Variants in CD5 observed in about 807,000 individuals in gnomAD.
CD5 encodes CD5 molecule.
Under a neutral mutation model 60.3 loss-of-function variants are expected in CD5, and 36 were observed. That is an observed-to-expected ratio of 0.60 (90% confidence interval 0.46 to 0.79). The LOEUF is 0.79. CD5 is among the 30% of genes least tolerant of loss of function. The probability of loss-of-function intolerance (pLI) is 0.00; values close to 1 mark genes in which losing one functional copy is unlikely to be tolerated. For missense variants in CD5, 540 were observed against 630.6 expected (o/e 0.86, Z 1.54); for synonymous variants, 230 against 257.6 (o/e 0.89, Z 1.03).
chr11:61,111,553 G>C (rs1459537509), intron 1 of CD5, among the ~76,000 whole-genome samples: 2 of 152,202 alleles, frequency 1.3e-5, no homozygotes, highest in Admixed American at 1.3e-4. Context: ...CAGTGGGGTT[G>C]CCTCTCAATA....
rs536466578 is a variant in CD5, at chr11:61,118,999, C to G, written c.463+22C>G. 6 of 1,582,062 alleles carry G rather than the reference C, an allele frequency of 3.8e-6. No individual in the cohort carries two copies. The South Asian group carries it at 5.6e-5, about 15-fold the overall frequency. ...ACAGGTAAGAGGATTCTGAACCCCC[C>G]ACAGGGAGTCAGAGCTAGCAAATAA... On this transcript the variant is annotated intron_variant, in intron 4 of 10. Transcript: ENST00000347785. This position sits in a 1 kb window ranked among gnomAD's most constrained non-coding sequence, Gnocchi z 4.7.
intron 6 of CD5, 83 bp from the exon 7 acceptor site, chr11:61,122,824 G>C: frequency 2.1e-6 from 3 of 1,448,444 alleles, no homozygotes; most frequent in Non-Finnish European, 2.8e-6. Flanking sequence ...GATGACGGCG[G>C]AAGCCAGGCA....
chr11:61,102,228 C>T (rs997907161), upstream of CD5, among the ~76,000 whole-genome samples: 5 of 152,174 alleles, frequency 3.3e-5, no homozygotes, highest in Admixed American at 2.0e-4. Flanking sequence ...CGCTCAGGGT[C>T]CCCACCCCCT....
Position 61,118,534 on chromosome 11 carries a change from G to A in CD5, c.400+54G>A. 6.5e-6 allele frequency: 10 copies of A among 1,549,190 alleles called. No homozygotes were observed. Among genetic ancestry groups the A allele is most frequent in the South Asian group, 1.2e-5 (1 of 85,476 alleles). Reference sequence around the variant, plus strand: ...CCTGGGCCTGGGCGCCAGCCCCGAGGAGACTGCCCGAGGCCTGTGATCTAG... The same window carrying A: ...CCTGGGCCTGGGCGCCAGCCCCGAGAAGACTGCCCGAGGCCTGTGATCTAG... On this transcript the variant is annotated intron_variant, in intron 3 of 10. Transcript: ENST00000347785. The surrounding 1 kb of genome is among the most constrained non-coding windows in gnomAD (Gnocchi z 4.7).
At chr11:61,121,512 G>A (rs1380299276) in intron 5 of CD5, 99 bp from the exon 6 acceptor site, 1 of 1,066,260 alleles carries the variant, frequency 9.4e-7, no homozygotes, top group East Asian at 2.8e-5. Flanking sequence ...CCTTCCCCTA[G>A]CCAGGGCCCC....
chr11:61,125,769 A>T lies in CD5; in HGVS notation c.1418A>T (p.His473Leu). Residue 473 changes from histidine to leucine, a missense_variant, in exon 10 of 11, where the codon CAT becomes CTT. His to Leu is a moderately conservative substitution (Grantham distance 99, BLOSUM62 -3). Transcript: ENST00000347785. ...SAYPALEGAL[H>L]RSSMQPDNSS... ...TCCCCAGCTCTGGAAGGGGCTCTGC[A>T]TCGCTCCTCCATGCAGCCTGACAAC... is the stretch of plus-strand genomic sequence containing the variant. The T allele has an allele frequency of 6.2e-7, 1 of 1,612,326 alleles. No homozygotes were observed.
intron 2 of CD5, among the ~76,000 whole-genome samples, chr11:61,116,519 C>A (rs1350009569): frequency 8.7e-6 from 1 of 115,342 alleles, no homozygotes; most frequent in Non-Finnish European, 1.8e-5. Flanking sequence ...ACACACACAC[C>A]ACCACACACA....
At chr11:61,104,929 G>A (rs984502227) in intron 1 of CD5, among the ~76,000 whole-genome samples, 6 of 152,222 alleles carry the variant, frequency 3.9e-5, no homozygotes, top group South Asian at 2.1e-4. Flanking sequence ...AGGCACTTCC[G>A]TGTGCAGGAA....
intron 1 of CD5, among the ~76,000 whole-genome samples, chr11:61,112,319 G>A (rs1338161964): frequency 1.3e-5 from 2 of 152,148 alleles, no homozygotes. Context: ...CTCCCTGATG[G>A]CCTCCTGAGG....
Position 61,127,191 on chromosome 11 carries a change from C to G in CD5, c.*906C>G, listed in dbSNP as rs1286443310. The G allele has an allele frequency of 6.6e-6, 1 of 152,268 alleles. No individual in the cohort carries two copies. The highest frequency in any genetic ancestry group is 1.5e-5 in the Non-Finnish European group (1 of 68,064). 9.4% of individuals were successfully genotyped at this position (152,268 alleles called of 1,614,324 possible). A position where few individuals can be genotyped will look rare whatever the true frequency, so the allele number is the denominator to read the frequency against. On this transcript the variant is annotated 3_prime_UTR_variant, in exon 11 of 11. Coordinates refer to ENST00000347785, the MANE Select transcript of CD5 (RefSeq NM_014207.4). The stretch of plus-strand genomic sequence containing the variant: ...GTTTGAATAACTCCCTTGACGAAAA[C>G]AGACTCCTCTAGTACTTGGAGATCT...
intron 1 of CD5, among the ~76,000 whole-genome samples, chr11:61,114,455 C>T (rs1031899739): frequency 1.2e-5 from 1 of 83,598 alleles, no homozygotes; most frequent in African/African-American, 8.1e-5. Context: ...CACATACATG[C>T]ATACATACAT....
At chr11:61,117,394 T>C (rs1860981394) in intron 2 of CD5, among the ~76,000 whole-genome samples, 1 of 152,210 alleles carries the variant, frequency 6.6e-6, no homozygotes, top group Admixed American at 6.5e-5. Flanking sequence ...CATATCTAGA[T>C]TATGGTGGTG....
Position 61,118,136 on chromosome 11 carries a change from C to T in CD5, c.95-39C>T, listed in dbSNP as rs1565185580. ...AGTGAGGGGTGCCAGTGGGGAACCC[C>T]TCCCAGCCTGACCCCCACCACACCT... On this transcript the variant is annotated intron_variant, in intron 2 of 10. Transcript: ENST00000347785. This position sits in a 1 kb window ranked among gnomAD's most constrained non-coding sequence, Gnocchi z 4.7. 2 of 1,594,322 alleles carry T rather than the reference C, an allele frequency of 1.3e-6. No individual in the cohort carries two copies. The highest frequency in any genetic ancestry group is 1.1e-5 in the South Asian group (1 of 87,744).
chr11:61,124,914 C>G, intron 8 of CD5, 118 bp from the exon 9 acceptor site: 1 of 1,269,976 alleles, frequency 7.9e-7, no homozygotes, highest in South Asian at 1.4e-5. Flanking sequence ...CTGTGGGTGC[C>G]TTTGTCCTCT....
chr11:61,111,883 A>G (rs1300308529), intron 1 of CD5, among the ~76,000 whole-genome samples: 1 of 152,210 alleles, frequency 6.6e-6, no homozygotes. Context: ...CTTTACACCG[A>G]TTAGCTCATC....
intron 6 of CD5, 75 bp from the exon 7 acceptor site, chr11:61,122,832 G>A: frequency 6.8e-7 from 1 of 1,470,524 alleles, no homozygotes; most frequent in Non-Finnish European, 9.2e-7. Context: ...CGGAAGCCAG[G>A]CAGCCAGCAG....
At position 61,126,711 on chromosome 11, in the gene CD5, C is replaced by G. The variant is rs1861153413; in HGVS notation, c.*426C>G. On this transcript the variant is annotated 3_prime_UTR_variant, in exon 11 of 11. Coordinates refer to ENST00000347785, the MANE Select transcript of CD5 (RefSeq NM_014207.4). The stretch of plus-strand genomic sequence containing the variant: ...TTGTAAGTAGTGCTTTTCCTCCTTC[C>G]TGACAAATCGAGCGCTTTGGCCTCT... The G allele has an allele frequency of 6.6e-6, 1 of 152,342 alleles. No individual in the cohort carries two copies. Among genetic ancestry groups the G allele is most frequent in the Admixed American group, 6.5e-5 (1 of 15,290 alleles). The allele number at this position is 152,342 out of a possible 1,614,324, so 9.4% of individuals were successfully genotyped here.
chr11:61,096,409 T>C, the CD5 span, among the ~76,000 whole-genome samples: 1 of 152,216 alleles, frequency 6.6e-6, no homozygotes, highest in Non-Finnish European at 1.5e-5. Context: ...GTTAAGTTTT[T>C]GGTTGATAGT....
At chr11:61,100,933 TCAAC>T (rs1210361053), upstream of CD5, among the ~76,000 whole-genome samples, 20 of 88,678 alleles carry the variant, frequency 2.3e-4, no homozygotes, top group African/African-American at 8.2e-4. Flanking sequence ...CACACACACA[TCAAC>T]ATGGAGATTA....
Sources: gnomAD v4.1 joint callset for allele counts (sites outside exome capture counted in the v4.1 genomes callset) on GRCh38, gnomAD v4.1.1 for gene constraint, Gnocchi (gnomAD v3.1) non-coding constraint, MANE v1.5 for transcripts, NCBI Gene and HGNC (gene_info 2026-07-23, HGNC 2026-07-21) for gene names.